The following PLPP4 variants were observed in gnomAD, a reference collection of about 807,000 sequenced individuals.
PLPP4 encodes diacylglycerol pyrophosphate like 2.
A neutral mutation model predicts 32.2 loss-of-function variants in PLPP4; 20 were observed. The ratio of observed to expected loss-of-function variants is 0.62; its 90% CI spans 0.44 to 0.90. The LOEUF (loss-of-function observed/expected upper bound fraction) is 0.90. Ranked by LOEUF, PLPP4 falls within the 40% of genes least tolerant of loss-of-function variation. PLPP4 has a pLI of 0.00. For missense variants in PLPP4, 257 were observed against 353.1 expected (o/e 0.73, Z 2.18); for synonymous variants, 127 against 133.0 (o/e 0.95, Z 0.31).
At chr10:120,501,877 C>A (rs1845270334) in intron 1 of PLPP4, among the ~76,000 whole-genome samples, 1 of 152,206 alleles carries the variant, frequency 6.6e-6, no homozygotes. Flanking sequence ...AGTTCAGCCT[C>A]CCCCATTGCA....
At chr10:120,518,130 G>A (rs1325104777) in intron 3 of PLPP4, among the ~76,000 whole-genome samples, 1 of 152,178 alleles carries the variant, frequency 6.6e-6, no homozygotes, top group Non-Finnish European at 1.5e-5. Flanking sequence ...GTTACCTGCC[G>A]CCTTCGGGAC....
At chr10:120,481,608 C>T (rs923175174) in intron 1 of PLPP4, among the ~76,000 whole-genome samples, 1 of 152,194 alleles carries the variant, frequency 6.6e-6, no homozygotes, top group Admixed American at 6.5e-5. Flanking sequence ...TGGGTCCTTA[C>T]AGCCTCCCTG....
At chr10:120,483,320 C>A (rs556586662) in intron 1 of PLPP4, among the ~76,000 whole-genome samples, 3 of 152,300 alleles carry the variant, frequency 2.0e-5, no homozygotes, top group Admixed American at 2.0e-4. Flanking sequence ...GGGCCTTTAC[C>A]TTGTGATGGT....
rs760057301 is a variant in PLPP4, at chr10:120,513,966, G to C, written c.221G>C (p.Arg74Pro). ...ATTTGTGTGGTGAAAATTATCCGGC[G>C]AACAGACAAGACTGAAATTAAGGAA... Reference protein sequence around the residue: ...AVICVVKIIRRTDKTEIKEAF... With the variant: ...AVICVVKIIRPTDKTEIKEAF... The change falls in exon 3 of 7, where the codon CGA (arginine) becomes CCA (proline). Residue 74 changes from arginine to proline, a missense_variant. Physicochemically the swap from Arg to Pro is moderately radical, Grantham distance 103. Transcript: ENST00000398250. The C allele has an allele frequency of 3.7e-6, 6 of 1,613,884 alleles. No homozygotes were observed. The highest frequency in any genetic ancestry group is 5.1e-6 in the Non-Finnish European group (6 of 1,179,880).
intron 6 of PLPP4, among the ~76,000 whole-genome samples, chr10:120,575,838 A>G (rs1411638398): frequency 2.0e-5 from 3 of 152,216 alleles, no homozygotes; most frequent in Non-Finnish European, 4.4e-5. Context: ...TTAAAAATCA[A>G]AATAACACAA....
chr10:120,524,085 T>C (rs1846285652), intron 5 of PLPP4, among the ~76,000 whole-genome samples: 1 of 152,234 alleles, frequency 6.6e-6, no homozygotes. Flanking sequence ...TTGCTTATGA[T>C]GCTGCTTAAA....
chr10:120,522,258 A>G (rs529511717), intron 5 of PLPP4, among the ~76,000 whole-genome samples: 1 of 152,320 alleles, frequency 6.6e-6, no homozygotes, highest in Admixed American at 6.5e-5. Flanking sequence ...TGAATCAAGA[A>G]ATAACTGAAC....
chr10:120,460,080 A>C (rs1847972610), intron 1 of PLPP4, among the ~76,000 whole-genome samples: 1 of 152,206 alleles, frequency 6.6e-6, no homozygotes, highest in South Asian at 2.1e-4. Context: ...AGGACTTCAA[A>C]TCGCTGGGAA....
chr10:120,589,610 C>A lies in PLPP4; in HGVS notation c.*108C>A. The A allele has an allele frequency of 1.2e-6, 1 of 851,192 alleles. No homozygotes were observed. The highest frequency in any genetic ancestry group is 1.8e-6 in the Non-Finnish European group (1 of 558,754). 52.7% of individuals were successfully genotyped at this position (851,192 alleles called of 1,614,324 possible). On this transcript the variant is annotated 3_prime_UTR_variant, in exon 7 of 7. Transcript: ENST00000398250. ...AGTGTATTTTTCATCAGTTGTTTCTCAAAGTCATCGTACTTCTGCTTCTGT... is the reference window on the plus strand; with the variant it reads ...AGTGTATTTTTCATCAGTTGTTTCTAAAAGTCATCGTACTTCTGCTTCTGT...
At chr10:120,530,507 A>G (rs1846653842) in intron 5 of PLPP4, among the ~76,000 whole-genome samples, 1 of 152,046 alleles carries the variant, frequency 6.6e-6, no homozygotes, top group Non-Finnish European at 1.5e-5. Flanking sequence ...TTATTGTTGA[A>G]ATGTATTTCA....
chr10:120,530,221 C>T (rs1846638408), intron 5 of PLPP4, among the ~76,000 whole-genome samples: 1 of 152,138 alleles, frequency 6.6e-6, no homozygotes, highest in Admixed American at 6.5e-5. Context: ...ACTGTATAAC[C>T]CATATTCCTA....
In PLPP4 at chr10:120,459,791, T is replaced by C. The variant is rs143400611; in HGVS notation, c.56+2430T>C. The stretch of plus-strand genomic sequence containing the variant: ...CCCCCGGAGAAACATCACCTGTAGA[T>C]GTGCCTGTTCTCTGACTACATTTGC... On this transcript the variant is annotated intron_variant, in intron 1 of 6. Coordinates refer to ENST00000398250, the MANE Select transcript of PLPP4 (RefSeq NM_001030059.3). Among the ~76,000 whole-genome samples the C allele has an allele frequency of 5.0e-4, 76 of 152,350 alleles. 1 individual carries two copies. The highest frequency in any genetic ancestry group is 1.7e-3 in the African/African-American group (69 of 41,584).
chr10:120,498,046 G>GA (rs570906201), intron 1 of PLPP4, among the ~76,000 whole-genome samples: 42 of 141,006 alleles, frequency 3.0e-4, no homozygotes, highest in South Asian at 1.8e-3. Flanking sequence ...TCTCAAAAAA[G>GA]AAAAAAAAAA....
At chr10:120,510,383 C>T (rs1438859951) in intron 2 of PLPP4, among the ~76,000 whole-genome samples, 1 of 152,114 alleles carries the variant, frequency 6.6e-6, no homozygotes, top group Admixed American at 6.5e-5. Context: ...GGATTTGATT[C>T]TTTTAAAATT....
chr10:120,501,594 G>T (rs1277646358), intron 1 of PLPP4, among the ~76,000 whole-genome samples: 1 of 152,180 alleles, frequency 6.6e-6, no homozygotes, highest in Non-Finnish European at 1.5e-5. Context: ...GGATTTGAAC[G>T]TTGCTGGACC....
At chr10:120,565,771 C>T (rs567047128) in intron 5 of PLPP4, among the ~76,000 whole-genome samples, 20 of 152,116 alleles carry the variant, frequency 1.3e-4, no homozygotes, top group African/African-American at 4.6e-4. Flanking sequence ...TCTCCATTTT[C>T]TCTATTACTT....
At chr10:120,460,532 C>T (rs1847994610) in intron 1 of PLPP4, among the ~76,000 whole-genome samples, 1 of 152,188 alleles carries the variant, frequency 6.6e-6, no homozygotes, top group Non-Finnish European at 1.5e-5. Context: ...GTGTGTCAGG[C>T]ACCAATGAAG....
intron 1 of PLPP4, among the ~76,000 whole-genome samples, chr10:120,482,860 C>T (rs576204025): frequency 3.9e-5 from 6 of 152,026 alleles, no homozygotes; most frequent in African/African-American, 1.4e-4. Context: ...TGCTGTGAGC[C>T]GAGATCGCAC....
chr10:120,536,027 A>G (rs1310871281), intron 5 of PLPP4, among the ~76,000 whole-genome samples: 1 of 152,152 alleles, frequency 6.6e-6, no homozygotes, highest in African/African-American at 2.4e-5. Flanking sequence ...TCTATAAAAT[A>G]TTGATGAAAG....
Sources: gnomAD v4.1 joint callset for allele counts (sites outside exome capture counted in the v4.1 genomes callset) on GRCh38, gnomAD v4.1.1 for gene constraint, MANE v1.5 for transcripts, NCBI Gene and HGNC (gene_info 2026-07-23, HGNC 2026-07-21) for gene names.